KANK1: variants seen among roughly 807,000 people sequenced by gnomAD.
The protein encoded by KANK1 is KN motif and ankyrin repeat domain-containing protein 1.
Under a neutral mutation model 106.2 loss-of-function variants are expected in KANK1, and 109 were observed. The ratio of observed to expected loss-of-function variants is 1.03; its 90% CI spans 0.88 to 1.20. The LOEUF is 1.20. KANK1 is among the 50% of genes most tolerant of loss of function. The probability of loss-of-function intolerance (pLI) is 0.00; values close to 1 mark genes in which losing one functional copy is unlikely to be tolerated. For missense variants in KANK1, 2,399 were observed against 1,710.7 expected, an observed-to-expected ratio of 1.40 and a Z score of -7.10; for synonymous variants, 873 against 652.2, an observed-to-expected ratio of 1.34 and a Z score of -5.16.
chr9:548,919 T>A (rs547545879), intron 1 of KANK1, among the ~76,000 whole-genome samples: 2 of 151,910 alleles, frequency 1.3e-5, no homozygotes, highest in African/African-American at 4.8e-5. Context: ...TCTTTATTTT[T>A]AAAAAATAAA....
At position 544,725 on chromosome 9, in the gene KANK1, G is replaced by A. The variant is rs907785956; in HGVS notation, c.-84+39971G>A. Among the ~76,000 whole-genome samples, 4 of 150,826 alleles carry A rather than the reference G, an allele frequency of 2.7e-5. No homozygotes were observed. In the East Asian group the frequency reaches 7.8e-4, roughly 30 times the overall value. The stretch of plus-strand genomic sequence containing the variant: ...AAACCTGTTGGGTGAGGTGGAGTTC[G>A]CCAGGTGAAGTGGTAGACTTGGGGA... On this transcript the variant is annotated intron_variant, in intron 1 of 11. Transcript: ENST00000382297.
chr9:674,180 CCT>C (rs1312454665), intron 1 of KANK1: 1 of 152,098 alleles, frequency 6.6e-6, no homozygotes, highest in Non-Finnish European at 1.5e-5. Flanking sequence ...TGAACCAGTG[CCT>C]CTGTTTCCAA....
chr9:566,006 G>A (rs1450683991), intron 1 of KANK1, among the ~76,000 whole-genome samples: 1 of 152,150 alleles, frequency 6.6e-6, no homozygotes, highest in Non-Finnish European at 1.5e-5. Flanking sequence ...TTCACCCTCT[G>A]CTTCCTCCCC....
chr9:500,649 T>G (rs979512211), upstream of KANK1, among the ~76,000 whole-genome samples: 7 of 152,230 alleles, frequency 4.6e-5, no homozygotes, highest in Admixed American at 4.6e-4. Context: ...TGAAGGTGAT[T>G]TATCAGAAAA....
chr9:611,821 C>T (rs1470020683), intron 1 of KANK1, among the ~76,000 whole-genome samples: 3 of 152,126 alleles, frequency 2.0e-5, no homozygotes, highest in Non-Finnish European at 4.4e-5. Context: ...CGGGTTCAAC[C>T]GATTTTCCTG....
At chr9:613,481 G>A (rs550993048) in intron 1 of KANK1, among the ~76,000 whole-genome samples, 1 of 152,116 alleles carries the variant, frequency 6.6e-6, no homozygotes, top group South Asian at 2.1e-4. Flanking sequence ...AAGCTCATAA[G>A]CTATCATTAG....
chr9:695,617 G>C (rs929690551), intron 2 of KANK1, among the ~76,000 whole-genome samples: 2 of 148,360 alleles, frequency 1.3e-5, no homozygotes, highest in African/African-American at 4.9e-5. Context: ...GTGGGGGGGG[G>C]GGCAAGGTAT....
chr9:584,230 T>C (rs1274185632), intron 1 of KANK1, among the ~76,000 whole-genome samples: 1 of 152,176 alleles, frequency 6.6e-6, no homozygotes, highest in African/African-American at 2.4e-5. Context: ...TCTATCAGAA[T>C]AAGTGGGAAA....
intron 2 of KANK1, among the ~76,000 whole-genome samples, chr9:682,345 G>T (rs1316554606): frequency 6.6e-6 from 1 of 151,760 alleles, no homozygotes; most frequent in South Asian, 2.1e-4. Flanking sequence ...AACCAGAAGA[G>T]AAGAATTACT....
At chr9:653,455 G>A (rs1383175807) in intron 1 of KANK1, among the ~76,000 whole-genome samples, 2 of 151,984 alleles carry the variant, frequency 1.3e-5, no homozygotes, top group Admixed American at 6.6e-5. Flanking sequence ...AAATTAATAG[G>A]ACTTTTGTTC....
intron 3 of KANK1, chr9:492,368 G>C (rs997774291): frequency 6.6e-6 from 1 of 152,152 alleles, no homozygotes; most frequent in African/African-American, 2.4e-5. Context: ...CCATGCTGTC[G>C]GTACTTACGT....
At chr9:472,280 C>T (rs945191068) in intron 2 of KANK1, among the ~76,000 whole-genome samples, 1 of 152,228 alleles carries the variant, frequency 6.6e-6, no homozygotes, top group Non-Finnish European at 1.5e-5. Flanking sequence ...CACTGAGAAG[C>T]AAGGCGTAGC....
intron 2 of KANK1, among the ~76,000 whole-genome samples, chr9:681,469 C>T (rs1286350365): frequency 6.6e-6 from 1 of 152,120 alleles, no homozygotes; most frequent in Admixed American, 6.5e-5. Context: ...TCTCTAAACA[C>T]TAATGTTGTG....
At chr9:729,924 G>T (rs1831742902) in intron 3 of KANK1, 127 bp from the exon 4 acceptor site, 1 of 774,706 alleles carries the variant, frequency 1.3e-6, no homozygotes, top group African/African-American at 1.8e-5. Context: ...CGTCAAAGGG[G>T]CTTCTGAGTT....
chr9:561,726 C>T (rs937023948), intron 1 of KANK1, among the ~76,000 whole-genome samples: 3 of 152,162 alleles, frequency 2.0e-5, no homozygotes, highest in African/African-American at 7.2e-5. Context: ...ATCTAAGGCT[C>T]CTTAAAAAAT....
intron 2 of KANK1, among the ~76,000 whole-genome samples, chr9:709,482 A>G (rs1010293709): frequency 4.6e-5 from 7 of 152,184 alleles, no homozygotes; most frequent in African/African-American, 1.4e-4. Flanking sequence ...TCTGTCTGCT[A>G]CTGACTTTTA....
intron 5 of KANK1, 92 bp from the exon 6 acceptor site, chr9:732,286 G>T: frequency 7.0e-7 from 1 of 1,438,360 alleles, no homozygotes. Context: ...TGAAATTTCT[G>T]GAGTCAATTA....
intron 2 of KANK1, among the ~76,000 whole-genome samples, chr9:710,518 T>G (rs1825664012): frequency 6.7e-6 from 1 of 148,504 alleles, no homozygotes; most frequent in African/African-American, 2.5e-5. Context: ...CTCAGGAGGC[T>G]GAGGTAGGAG....
chr9:590,741 G>C (rs904277950), intron 1 of KANK1, among the ~76,000 whole-genome samples: 1 of 151,468 alleles, frequency 6.6e-6, no homozygotes, highest in African/African-American at 2.4e-5. Flanking sequence ...CTTATCAGTA[G>C]TCACTGCTGT....
Sources: gnomAD v4.1 joint callset for allele counts (sites outside exome capture counted in the v4.1 genomes callset) on GRCh38, gnomAD v4.1.1 for gene constraint, MANE v1.5 for transcripts, NCBI Gene and HGNC (gene_info 2026-07-23, HGNC 2026-07-21) for gene names.